CD81: variants seen among roughly 807,000 people sequenced by gnomAD.
CD81 encodes CD81 molecule.
In CD81, 10 loss-of-function variants were observed where a neutral mutation model predicts 30.1. The observed-to-expected ratio is 0.33, with a 90% CI of 0.21 to 0.56. The LOEUF is 0.56. Ranked by LOEUF, CD81 falls within the 20% of genes least tolerant of loss-of-function variation. CD81 has a pLI of 0.89. For missense variants in CD81, 263 were observed against 308.7 expected, an observed-to-expected ratio of 0.85 and a Z score of 1.11; for synonymous variants, 147 against 126.4, an observed-to-expected ratio of 1.16 and a Z score of -1.10.
rs969015640 is a variant in CD81, at chr11:2,386,927, T to A, written c.67-3485T>A. On this transcript the variant is annotated intron_variant, in intron 1 of 7. Coordinates refer to ENST00000263645, the MANE Select transcript of CD81 (RefSeq NM_004356.4). ...CAGAGGCCTGGGGCCGGGGCTTGTC[T>A]AGGGGCAGCCTCCCCATACGGCCCT... Among the ~76,000 whole-genome samples the A allele has an allele frequency of 6.6e-5, 10 of 152,348 alleles. No individual in the cohort carries two copies. The South Asian group carries it at 2.1e-3, about 32-fold the overall frequency.
Position 2,377,579 on chromosome 11 carries a change from C to T in CD81, c.30C>T (p.Ile10=). 1 of 1,534,020 alleles carries T rather than the reference C, an allele frequency of 6.5e-7. No homozygotes were observed. The highest frequency in any genetic ancestry group is 1.2e-5 in the South Asian group (1 of 84,462). The change falls in exon 1 of 8, where the codon ATC becomes ATT. Residue 10 remains isoleucine (I), a synonymous_variant. Coordinates refer to ENST00000263645, the MANE Select transcript of CD81 (RefSeq NM_004356.4). This position sits in a 1 kb window ranked among gnomAD's most constrained non-coding sequence, Gnocchi z 7.7. ...GAGTGGAGGGCTGCACCAAGTGCAT[C>T]AAGTACCTGCTCTTCGTCTTCAATT... is the stretch of plus-strand genomic sequence containing the variant. MGVEGCTKC[I]KYLLFVFNFV... is the part of the protein sequence containing the mutation.
At chr11:2,393,613 T>C in intron 2 of CD81, 1 of 505,244 alleles carries the variant, frequency 2.0e-6, no homozygotes, top group Non-Finnish European at 3.6e-6. Context: ...GAGGCAGCAT[T>C]GGTTCCAGTT....
At chr11:2,389,447 GCA>G (rs900115955) in intron 1 of CD81, among the ~76,000 whole-genome samples, 2 of 152,106 alleles carry the variant, frequency 1.3e-5, no homozygotes, top group African/African-American at 4.8e-5. Flanking sequence ...GGGGCCTGGG[GCA>G]CGTGCCTGGC....
chr11:2,387,161 A>T (rs1346084284), intron 1 of CD81, among the ~76,000 whole-genome samples: 1 of 152,142 alleles, frequency 6.6e-6, no homozygotes, highest in Admixed American at 6.5e-5. Context: ...CTGGGGGTGG[A>T]TGGGCCTCTA....
rs369147332 is a variant in CD81 at position 2,388,395 on chromosome 11, C to T, written c.67-2017C>T. ...CTCAGGCCGGGGACTTGGGTGCAGG[C>T]CATGGTGCTGGGGCCTGAAGCTCAC... On this transcript the variant is annotated intron_variant, in intron 1 of 7. Transcript: ENST00000263645. Among the ~76,000 whole-genome samples the T allele has an allele frequency of 7.9e-5, 12 of 152,314 alleles. No individual in the cohort carries two copies. The East Asian group carries it at 1.7e-3, about 22-fold the overall frequency.
At chr11:2,384,520 G>A (rs1475042269) in intron 1 of CD81, 2 of 146,044 alleles carry the variant, frequency 1.4e-5, no homozygotes, top group South Asian at 1.8e-4. Context: ...CATCTTGTGG[G>A]GTGGGACGGC....
At chr11:2,394,003 C>A in intron 2 of CD81, 92 bp from the exon 3 acceptor site, 1 of 904,202 alleles carries the variant, frequency 1.1e-6, no homozygotes, top group Non-Finnish European at 1.9e-6. Flanking sequence ...CCCAGCTGGG[C>A]GGCCCGTGGT....
intron 1 of CD81, among the ~76,000 whole-genome samples, chr11:2,383,146 G>T (rs192545014): frequency 9.2e-5 from 14 of 152,330 alleles, no homozygotes; most frequent in Non-Finnish European, 1.8e-4. Context: ...TGAGACAGGC[G>T]GCTTCCTCGG....
chr11:2,397,247 C>G lies in CD81; in HGVS notation c.*381C>G. On this transcript the variant is annotated 3_prime_UTR_variant, in exon 8 of 8. Transcript: ENST00000263645. ...CCCGCCCGTCCTGTGGGCTGCACAG[C>G]TCACCTTGTTCCCTCCTGCCCCGGT... The G allele has an allele frequency of 2.9e-6, 1 of 350,266 alleles. No individual in the cohort carries two copies. Among genetic ancestry groups the G allele is most frequent in the South Asian group, 2.6e-5 (1 of 37,762 alleles). The allele number at this position is 350,266 out of a possible 1,614,324, so 21.7% of individuals were successfully genotyped here. A position where few individuals can be genotyped will look rare whatever the true frequency, so the allele number is the denominator to read the frequency against.
rs560216735 is a variant in CD81 at position 2,378,293 on chromosome 11, C to T, written c.66+678C>T. On this transcript the variant is annotated intron_variant, in intron 1 of 7. Transcript: ENST00000263645. The surrounding 1 kb of genome is among the most constrained non-coding windows in gnomAD (Gnocchi z 4.9). ...CCTGCCTGGGAGCCGATCTCCCTCT[C>T]CTCACCCAGACACGTTCCAGCGGAG... 5.5e-4 allele frequency among the ~76,000 whole-genome samples: 84 copies of T among 152,308 alleles called. 1 individual carries two copies. Among genetic ancestry groups the T allele is most frequent in the African/African-American group, 2.0e-3 (82 of 41,588 alleles).
chr11:2,381,939 A>T (rs1849711877), intron 1 of CD81, among the ~76,000 whole-genome samples: 1 of 152,004 alleles, frequency 6.6e-6, no homozygotes, highest in Non-Finnish European at 1.5e-5. Context: ...CTCTGGACTT[A>T]CTCAGTGTCC....
intron 2 of CD81, chr11:2,391,779 C>T (rs1460596748): frequency 3.3e-5 from 5 of 152,270 alleles, no homozygotes; most frequent in Admixed American, 1.3e-4. Flanking sequence ...ACCCCCTGCA[C>T]GCAGCTGGGG....
At chr11:2,390,369 C>T in intron 1 of CD81, 43 bp from the exon 2 acceptor site, 1 of 1,452,288 alleles carries the variant, frequency 6.9e-7, no homozygotes, top group Non-Finnish European at 9.7e-7. Context: ...CTCCCTGCTG[C>T]AGTGCTCTTC....
chr11:2,379,650 G>C (rs1179325072), intron 1 of CD81, among the ~76,000 whole-genome samples: 1 of 152,026 alleles, frequency 6.6e-6, no homozygotes, highest in Non-Finnish European at 1.5e-5. Flanking sequence ...GTGTCGCCAG[G>C]GCGGGCCTGG....
chr11:2,384,274 TCTTGTGGGGTGGGGCGG>T (rs1193504911), intron 1 of CD81, among the ~76,000 whole-genome samples: 1 of 149,276 alleles, frequency 6.7e-6, no homozygotes, highest in African/African-American at 2.5e-5. Context: ...CAGCAGAGCA[TCTTGTGGGGTGGGGCGG>T]CTTGTGGGGC....
chr11:2,385,415 C>T (rs138794654), intron 1 of CD81, among the ~76,000 whole-genome samples: 80 of 152,340 alleles, frequency 5.3e-4, no homozygotes, highest in African/African-American at 1.7e-3. Context: ...CTTCAACAAG[C>T]GGACTCAGAA....
In CD81 at chr11:2,396,615, G is replaced by GCC; in HGVS notation, c.562-12_562-11dup. 1 of 1,609,250 alleles carries GCC rather than the reference G, an allele frequency of 6.2e-7. No individual in the cohort carries two copies. The highest frequency in any genetic ancestry group is 8.5e-7 in the Non-Finnish European group (1 of 1,179,186). On this transcript the variant is annotated splice_polypyrimidine_tract_variant and intron_variant, in intron 6 of 7. Coordinates refer to ENST00000263645, the MANE Select transcript of CD81 (RefSeq NM_004356.4). ...CCCGGTCCCTGACCACGCGTGCCTG[G>GCC]CCACCCCTGCAGGAGGACTGCCACC...
chr11:2,391,335 A>T (rs978913726), intron 2 of CD81: 1 of 152,484 alleles, frequency 6.6e-6, no homozygotes. Flanking sequence ...CTCAGCCGGC[A>T]GGTGCCCCCA....
At chr11:2,393,776 G>C (rs1355237943) in intron 2 of CD81, 2 of 612,262 alleles carry the variant, frequency 3.3e-6, no homozygotes, top group Non-Finnish European at 5.9e-6. Context: ...TGGGTGGTGG[G>C]TGTGGCAGGT....
Sources: allele counts gnomAD v4.1 joint callset (sites outside exome capture counted in the v4.1 genomes callset), GRCh38; gene constraint gnomAD v4.1.1; non-coding constraint Gnocchi (gnomAD v3.1); transcripts MANE v1.5; gene names NCBI Gene and HGNC (gene_info 2026-07-23, HGNC 2026-07-21).